Variants in PTH2R observed in about 807,000 individuals in gnomAD.
PTH2R encodes PTH2 receptor.
PTH2R carries 59 observed loss-of-function variants against 60.3 expected under a neutral mutation model. The ratio of observed to expected loss-of-function variants is 0.98; its 90% CI spans 0.79 to 1.22. The LOEUF (loss-of-function observed/expected upper bound fraction) is 1.22. PTH2R is among the 50% of genes most tolerant of loss of function. The pLI, the probability that PTH2R is intolerant of heterozygous loss-of-function variation, is 0.00. For missense variants in PTH2R, 749 were observed against 682.6 expected, an observed-to-expected ratio of 1.10 and a Z score of -1.08; for synonymous variants, 256 against 243.8, an observed-to-expected ratio of 1.05 and a Z score of -0.47.
intron 9 of PTH2R, among the ~76,000 whole-genome samples, chr2:208,467,235 A>T (rs1333898518): frequency 6.6e-6 from 1 of 152,158 alleles, no homozygotes; most frequent in Non-Finnish European, 1.5e-5. Flanking sequence ...TGTTTGTTAT[A>T]ATAGCAAACA....
At chr2:208,444,147 G>T (rs1702242299) in intron 6 of PTH2R, among the ~76,000 whole-genome samples, 1 of 152,112 alleles carries the variant, frequency 6.6e-6, no homozygotes, top group East Asian at 1.9e-4. Context: ...CTGATTCTGG[G>T]CTGGCACTGA....
chr2:208,406,978 G>A lies in PTH2R; in HGVS notation c.-66G>A. ...AGTTTGCTCTGGGCCAGCCAAGTTG[G>A]CAACTTGGAAGCTTCTCCCGGGCTC... is the stretch of plus-strand genomic sequence containing the variant. On this transcript the variant is annotated 5_prime_UTR_variant, in exon 1 of 13. Transcript: ENST00000272847. The A allele has an allele frequency of 7.6e-7, 1 of 1,307,890 alleles. No homozygotes were observed. The highest frequency in any genetic ancestry group is 1.0e-6 in the Non-Finnish European group (1 of 1,002,714). 81.0% of individuals were successfully genotyped at this position (1,307,890 alleles called of 1,614,324 possible).
intron 10 of PTH2R, among the ~76,000 whole-genome samples, chr2:208,488,065 C>T (rs995227404): frequency 3.3e-5 from 5 of 152,132 alleles, no homozygotes; most frequent in African/African-American, 4.8e-5. Context: ...TGGAAGCCCA[C>T]TTAGAATAAC....
chr2:208,396,719 G>T (rs1297511921), intron 1 of PTH2R, among the ~76,000 whole-genome samples: 1 of 152,152 alleles, frequency 6.6e-6, no homozygotes, highest in African/African-American at 2.4e-5. Flanking sequence ...GAGTGTAAAT[G>T]AGTTCAACCA....
chr2:208,488,107 A>G (rs922541298), intron 10 of PTH2R, among the ~76,000 whole-genome samples: 9 of 152,302 alleles, frequency 5.9e-5, no homozygotes, highest in African/African-American at 2.2e-4. Flanking sequence ...ATTCTTCCAA[A>G]TACTTAAGAA....
intron 9 of PTH2R, among the ~76,000 whole-genome samples, chr2:208,463,237 T>G (rs1456471829): frequency 6.6e-6 from 1 of 152,188 alleles, no homozygotes; most frequent in Non-Finnish European, 1.5e-5. Context: ...AATGGCTTTC[T>G]TTAGTTTCCT....
chr2:208,491,722 G>A (rs1291171703), intron 12 of PTH2R, among the ~76,000 whole-genome samples: 2 of 151,256 alleles, frequency 1.3e-5, no homozygotes, highest in Non-Finnish European at 2.9e-5. Context: ...TGCACCTAAA[G>A]GGAAAGGAAT....
intron 1 of PTH2R, among the ~76,000 whole-genome samples, chr2:208,376,805 C>T (rs963702469): frequency 1.3e-5 from 2 of 152,012 alleles, no homozygotes; most frequent in Non-Finnish European, 2.9e-5. Context: ...TTATCCGCCC[C>T]TCTTATGTGC....
At chr2:208,397,950 A>G (rs1393209066) in intron 1 of PTH2R, among the ~76,000 whole-genome samples, 1 of 152,246 alleles carries the variant, frequency 6.6e-6, no homozygotes, top group Non-Finnish European at 1.5e-5. Flanking sequence ...GAGCTGATTT[A>G]AAAGAAAAAT....
intron 4 of PTH2R, among the ~76,000 whole-genome samples, chr2:208,439,998 T>C (rs560962791): frequency 1.8e-4 from 27 of 152,338 alleles, no homozygotes; most frequent in Non-Finnish European, 3.8e-4. Context: ...TAAGCGCAAA[T>C]ATATGCATAT....
At chr2:208,477,171 G>A (rs916291614) in intron 9 of PTH2R, among the ~76,000 whole-genome samples, 2 of 152,174 alleles carry the variant, frequency 1.3e-5, no homozygotes, top group Non-Finnish European at 2.9e-5. Flanking sequence ...CAATGGAGAG[G>A]AGAGAGTAGA....
intron 1 of PTH2R, among the ~76,000 whole-genome samples, chr2:208,380,567 T>C (rs565202264): frequency 1.6e-4 from 25 of 152,262 alleles, no homozygotes; most frequent in African/African-American, 5.3e-4. Context: ...TAAGTACCCC[T>C]GGCCTCTTGC....
exon 1 of PTH2R, chr2:208,359,895 G>T (rs943926932): frequency 4.8e-6 from 1 of 207,052 alleles, no homozygotes; most frequent in African/African-American, 2.3e-5. Context: ...CTGGTGGCCA[G>T]CTGCGCAGGG....
intron 1 of PTH2R, among the ~76,000 whole-genome samples, chr2:208,410,845 A>G (rs536395440): frequency 6.6e-6 from 1 of 152,174 alleles, no homozygotes; most frequent in Non-Finnish European, 1.5e-5. Context: ...ATAAAATGGG[A>G]TAAATCAATA....
chr2:208,434,635 A>G (rs1483309051), intron 2 of PTH2R, among the ~76,000 whole-genome samples: 1 of 152,240 alleles, frequency 6.6e-6, no homozygotes, highest in African/African-American at 2.4e-5. Flanking sequence ...AGGGATATCT[A>G]ATTACCGAGA....
At chr2:208,459,494 T>A (rs1281484966) in intron 8 of PTH2R, among the ~76,000 whole-genome samples, 1 of 152,168 alleles carries the variant, frequency 6.6e-6, no homozygotes, top group Non-Finnish European at 1.5e-5. Context: ...AAAATAGAAT[T>A]GCTGTAATGT....
chr2:208,443,383 A>C lies in PTH2R; in HGVS notation c.545A>C (p.His182Pro), dbSNP rs1466336269. 13 of 1,608,120 alleles carry C rather than the reference A, an allele frequency of 8.1e-6. No homozygotes were observed. The highest frequency in any genetic ancestry group is 1.7e-4 in the Middle Eastern group (1 of 6,026). ...LHCTRNYIHM[H>P]LFVSFMLRAT... ...TGCACTAGGAACTATATCCACATGC[A>C]CTTATTTGTGTCTTTCATGCTGAGA... The change falls in exon 6 of 13, where the codon CAC (histidine) becomes CCC (proline). Residue 182 changes from histidine (H) to proline (P), a missense_variant. By Grantham distance (77) the His-to-Pro change is moderately conservative. Coordinates refer to ENST00000272847, the MANE Select transcript of PTH2R (RefSeq NM_005048.4).
At chr2:208,478,031 C>A (rs1703058674) in intron 9 of PTH2R, among the ~76,000 whole-genome samples, 2 of 149,988 alleles carry the variant, frequency 1.3e-5, no homozygotes, top group African/African-American at 4.9e-5. Flanking sequence ...CAGAAACTTC[C>A]TCTTTGTCTT....
At chr2:208,470,646 CT>C (rs982445333) in intron 9 of PTH2R, among the ~76,000 whole-genome samples, 1 of 151,264 alleles carries the variant, frequency 6.6e-6, no homozygotes, top group African/African-American at 2.5e-5. Context: ...TCCATTAAAC[CT>C]TTTTTTTCTT....
Sources: allele counts gnomAD v4.1 joint callset (sites outside exome capture counted in the v4.1 genomes callset), GRCh38; gene constraint gnomAD v4.1.1; transcripts MANE v1.5; gene names NCBI Gene and HGNC (gene_info 2026-07-23, HGNC 2026-07-21).